The following OOSP1 variants were observed in gnomAD, a reference collection of about 807,000 sequenced individuals.
OOSP1 encodes the protein putative oocyte-secreted protein 1 homolog.
OOSP1 carries 11 observed loss-of-function variants against 5.7 expected under a neutral mutation model. That is an observed-to-expected ratio of 1.94 (90% CI 1.22 to 3.20). The LOEUF (loss-of-function observed/expected upper bound fraction) is 3.20, where lower values mean the gene tolerates loss of function less well. Ranked by LOEUF, OOSP1 falls within the 30% of genes most tolerant of loss-of-function variation. OOSP1 has a pLI of 0.00. For synonymous variants in OOSP1, 44 were observed against 20.0 expected, an observed-to-expected ratio of 2.20 and a Z score of -3.20; for missense variants, 83 against 54.1, an observed-to-expected ratio of 1.53 and a Z score of -1.67.
Position 59,955,094 on chromosome 11 carries a change from C to A in OOSP1, c.487-2101C>A, listed in dbSNP as rs139299805. On this transcript the variant is annotated intron_variant, in intron 4 of 4. Coordinates refer to ENST00000646685, the Ensembl canonical transcript of OOSP1. ...TTCCTAATACTTTAGAATTTGCATA[C>A]CTTCTGGGAAGAAAGCACAAAAAAA... Among the ~76,000 whole-genome samples, 146 of 151,954 alleles carry A rather than the reference C, an allele frequency of 9.6e-4. 1 individual carries two copies. The highest frequency in any genetic ancestry group is 3.4e-3 in the African/African-American group (141 of 41,442).
At chr11:59,941,702 A>T (rs1220125644) in intron 1 of OOSP1, among the ~76,000 whole-genome samples, 4 of 152,188 alleles carry the variant, frequency 2.6e-5, no homozygotes, top group African/African-American at 9.6e-5. Context: ...TTATGTGAAC[A>T]TACATTTTTA....
At chr11:59,946,915 A>ATATCTATCTATCTATC (rs10555344) in intron 3 of OOSP1, among the ~76,000 whole-genome samples, 7 of 145,132 alleles carry the variant, frequency 4.8e-5, no homozygotes, top group Admixed American at 6.9e-5. Flanking sequence ...CTCATCTACC[A>ATATCTATCTATCTATC]TATCTATCTA....
intron 4 of OOSP1, among the ~76,000 whole-genome samples, chr11:59,948,213 G>A (rs955859679): frequency 7.9e-5 from 12 of 152,152 alleles, no homozygotes; most frequent in Admixed American, 7.2e-4. Flanking sequence ...AGCCTACAAA[G>A]TGGCTTAGAT....
intron 4 of OOSP1, among the ~76,000 whole-genome samples, chr11:59,955,499 T>C (rs1007731063): frequency 2.6e-5 from 4 of 152,336 alleles, no homozygotes; most frequent in African/African-American, 4.8e-5. Context: ...ATTTAATTGC[T>C]TTTTAAATAA....
chr11:59,941,578 C>A (rs1015097260), intron 1 of OOSP1, among the ~76,000 whole-genome samples: 1 of 151,970 alleles, frequency 6.6e-6, no homozygotes, highest in Non-Finnish European at 1.5e-5. Flanking sequence ...TGGGGTTTTA[C>A]CATGTTGATC....
chr11:59,940,964 A>G (rs1331145032), intron 1 of OOSP1, among the ~76,000 whole-genome samples: 2 of 152,198 alleles, frequency 1.3e-5, no homozygotes, highest in East Asian at 3.8e-4. Context: ...TTACATTGGG[A>G]TATTAATATT....
chr11:59,948,065 C>A (rs912039310), intron 4 of OOSP1, among the ~76,000 whole-genome samples: 59 of 152,260 alleles, frequency 3.9e-4, no homozygotes, highest in African/African-American at 1.4e-3. Flanking sequence ...TAATCTGTTA[C>A]TAACTGGGAA....
At chr11:59,942,959 A>C in exon 2 of OOSP1, 1 of 702,974 alleles carries the variant, frequency 1.4e-6, no homozygotes, top group South Asian at 1.5e-5. Context: ...GCTGCCATGT[A>C]ACCCATGTTT....
chr11:59,954,270 A>C (rs137908742), intron 4 of OOSP1, among the ~76,000 whole-genome samples: 14 of 152,310 alleles, frequency 9.2e-5, no homozygotes, highest in African/African-American at 3.4e-4. Context: ...TAGGCTTTGT[A>C]GATCATAAAG....
chr11:59,946,097 A>G (rs1853880650), intron 3 of OOSP1, among the ~76,000 whole-genome samples: 1 of 152,124 alleles, frequency 6.6e-6, no homozygotes, highest in Non-Finnish European at 1.5e-5. Flanking sequence ...CCTGTCAGGA[A>G]CCTGGCAGCA....
At chr11:59,955,667 G>A (rs1853988046) in intron 4 of OOSP1, among the ~76,000 whole-genome samples, 1 of 151,508 alleles carries the variant, frequency 6.6e-6, no homozygotes, top group African/African-American at 2.4e-5. Context: ...TGCCTGGGCT[G>A]GAGTGCAGAG....
intron 4 of OOSP1, among the ~76,000 whole-genome samples, chr11:59,955,886 C>A (rs1019142847): frequency 3.3e-5 from 5 of 152,182 alleles, no homozygotes; most frequent in African/African-American, 7.2e-5. Context: ...CCTATTTCGG[C>A]CTCCCAAAGT....
At chr11:59,953,964 C>T (rs1853965466) in intron 4 of OOSP1, among the ~76,000 whole-genome samples, 1 of 152,140 alleles carries the variant, frequency 6.6e-6, no homozygotes, top group Non-Finnish European at 1.5e-5. Flanking sequence ...CATCATTGTG[C>T]AAACTTCATA....
chr11:59,946,267 A>T (rs1474950870), intron 3 of OOSP1, among the ~76,000 whole-genome samples: 2 of 152,216 alleles, frequency 1.3e-5, no homozygotes, highest in African/African-American at 4.8e-5. Context: ...ATGCCTGGTG[A>T]TCTGAGGTGG....
chr11:59,950,676 G>T (rs770314925), intron 4 of OOSP1, among the ~76,000 whole-genome samples: 5 of 152,168 alleles, frequency 3.3e-5, no homozygotes, highest in Admixed American at 6.6e-5. Flanking sequence ...GGGCATTGAT[G>T]ACTTTGATAA....
chr11:59,949,056 A>T (rs1342772902), intron 4 of OOSP1: 3 of 310,742 alleles, frequency 9.7e-6, no homozygotes, highest in Admixed American at 9.9e-5. Flanking sequence ...TGCAAGACTG[A>T]CTTGTATGTA....
At chr11:59,941,885 T>C (rs561762758) in intron 1 of OOSP1, among the ~76,000 whole-genome samples, 2 of 152,342 alleles carry the variant, frequency 1.3e-5, no homozygotes, top group Non-Finnish European at 2.9e-5. Context: ...TTTGGTGTCT[T>C]CACTATTATT....
Position 59,938,526 on chromosome 11 carries a change from G to A in OOSP1, c.72G>A (p.Trp24Ter). ...TGATATGGACCTGCGCTGGGGACTG[G>A]TCAGGTATAACTTATCACTTGGGGA... The change falls in exon 1 of 5, where the codon TGG (tryptophan) becomes TGA (stop). Residue 24 changes from tryptophan (W) to a stop codon, truncating the protein, a stop_gained. Transcript: ENST00000646685. LOFTEE classifies it high-confidence loss of function. 3.4e-6 allele frequency: 2 copies of A among 589,718 alleles called. No individual in the cohort carries two copies. The highest frequency in any genetic ancestry group is 3.1e-6 in the Non-Finnish European group (1 of 325,726). 36.5% of individuals were successfully genotyped at this position (589,718 alleles called of 1,614,324 possible).
At chr11:59,939,396 T>A (rs1438187618) in intron 1 of OOSP1, among the ~76,000 whole-genome samples, 1 of 151,870 alleles carries the variant, frequency 6.6e-6, no homozygotes, top group African/African-American at 2.4e-5. Flanking sequence ...GCACTGCAGA[T>A]GTGCACCACC....
Sources: gnomAD v4.1 joint callset for allele counts (sites outside exome capture counted in the v4.1 genomes callset) on GRCh38, gnomAD v4.1.1 for gene constraint, MANE v1.5 for transcripts, NCBI Gene and HGNC (gene_info 2026-07-23, HGNC 2026-07-21) for gene names.